SPAG16: variants seen among roughly 807,000 people sequenced by gnomAD.
SPAG16 encodes the protein sperm associated antigen 16.
In SPAG16, 86 loss-of-function variants were observed where a neutral mutation model predicts 80.4. The ratio of observed to expected loss-of-function variants is 1.07; its 90% CI spans 0.90 to 1.28. SPAG16 has a LOEUF of 1.28. SPAG16 is among the 50% of genes most tolerant of loss of function. SPAG16 has a pLI of 0.00. For synonymous variants in SPAG16, 294 were observed against 265.9 expected, an observed-to-expected ratio of 1.11 and a Z score of -1.03; for missense variants, 870 against 765.3, an observed-to-expected ratio of 1.14 and a Z score of -1.61.
chr2:213,798,046 A>C (rs2071156589), intron 10 of SPAG16, among the ~76,000 whole-genome samples: 2 of 152,188 alleles, frequency 1.3e-5, no homozygotes, highest in African/African-American at 2.4e-5. Context: ...CATTACTTGC[A>C]TTCCCCTAAT....
rs564854153 is a variant in SPAG16, at chr2:214,410,399, T to C, written c.*84T>C. On this transcript the variant is annotated 3_prime_UTR_variant, in exon 16 of 16. Transcript: ENST00000331683. ...AGTCCCAAACCAGCAAAGAACTGGT[T>C]AAATGTGCCAGCAGGTAACATTTAC... 9.2e-6 allele frequency: 12 copies of C among 1,310,746 alleles called. 1 individual carries two copies. In the Admixed American group the frequency reaches 2.5e-4, roughly 27 times the overall value. The allele number at this position is 1,310,746 out of a possible 1,614,324, so 81.2% of individuals were successfully genotyped here. A position where few individuals can be genotyped will look rare whatever the true frequency, so the allele number is the denominator to read the frequency against.
chr2:214,356,538 T>C (rs986997002), intron 15 of SPAG16, among the ~76,000 whole-genome samples: 5 of 148,102 alleles, frequency 3.4e-5, no homozygotes, highest in African/African-American at 9.7e-5. Context: ...ATTTTAAGTT[T>C]TTCTTTTCTT....
At position 214,076,529 on chromosome 2, in the gene SPAG16, GTGTGTGTGTGTGTC is replaced by G. The variant is rs1316061540; in HGVS notation, c.1528-31653_1528-31640del. On this transcript the variant is annotated intron_variant, in intron 13 of 15. Transcript: ENST00000331683. ...TATTTTATTCTGTGTGTGTGTGTGT[GTGTGTGTGTGTGTC>G]TGTGTGTGTGTGTGTGTGTGTGTTT... Among the ~76,000 whole-genome samples, 5 of 91,792 alleles carry G rather than the reference GTGTGTGTGTGTGTC, an allele frequency of 5.4e-5. No individual in the cohort carries two copies. In the South Asian group the frequency reaches 1.3e-3, roughly 24 times the overall value. 60.2% of individuals were successfully genotyped at this position (91,792 alleles called of 152,430 possible).
chr2:213,513,226 C>G (rs2075296240), intron 10 of SPAG16, among the ~76,000 whole-genome samples: 1 of 152,184 alleles, frequency 6.6e-6, no homozygotes, highest in Admixed American at 6.5e-5. Context: ...CTATGCTTCT[C>G]TATGCCCTAT....
intron 11 of SPAG16, among the ~76,000 whole-genome samples, chr2:213,888,058 AAACACAATTCTGGAAAGATAC>A (rs1355997489): frequency 1.3e-5 from 2 of 151,926 alleles, no homozygotes; most frequent in Admixed American, 1.3e-4. Flanking sequence ...TTTCTTTCAG[AAACACAATTCTGGAAAGATAC>A]AACAGTGTTT....
rs1462230311 is a variant in SPAG16, at chr2:213,800,603, C to T, written c.1071-61882C>T. 3.3e-5 allele frequency among the ~76,000 whole-genome samples: 5 copies of T among 152,188 alleles called. No homozygotes were observed. The South Asian group carries it at 6.2e-4, about 19-fold the overall frequency. On this transcript the variant is annotated intron_variant, in intron 10 of 15. Coordinates refer to ENST00000331683, the MANE Select transcript of SPAG16 (RefSeq NM_024532.5). ...TTGCCGAGGCTGGCATTTATTCTTCCTATGTTTTATTGTGTTGACTTTATC... is the reference window on the plus strand; with the variant it reads ...TTGCCGAGGCTGGCATTTATTCTTCTTATGTTTTATTGTGTTGACTTTATC...
intron 10 of SPAG16, among the ~76,000 whole-genome samples, chr2:213,808,347 C>T (rs967299669): frequency 6.6e-6 from 1 of 152,108 alleles, no homozygotes; most frequent in Non-Finnish European, 1.5e-5. Flanking sequence ...AGAACAGCCA[C>T]TCGTTTACAA....
At chr2:214,080,040 CAG>C (rs935727905) in intron 13 of SPAG16, among the ~76,000 whole-genome samples, 2 of 152,094 alleles carry the variant, frequency 1.3e-5, no homozygotes, top group Non-Finnish European at 2.9e-5. Context: ...ACAAACCTAA[CAG>C]AAATATCTCA....
intron 10 of SPAG16, among the ~76,000 whole-genome samples, chr2:213,492,688 T>TGG: frequency 6.6e-6 from 1 of 151,214 alleles, no homozygotes; most frequent in Non-Finnish European, 1.5e-5. Context: ...GAAAGTTGTT[T>TGG]TTTTTTTTTT....
At chr2:214,221,140 T>C (rs550127424) in intron 15 of SPAG16, among the ~76,000 whole-genome samples, 1 of 152,340 alleles carries the variant, frequency 6.6e-6, no homozygotes, top group Admixed American at 6.5e-5. Context: ...CTTTAGAAGT[T>C]TAACTACAGT....
chr2:214,159,355 C>A (rs1306856426), intron 15 of SPAG16, among the ~76,000 whole-genome samples: 1 of 151,944 alleles, frequency 6.6e-6, no homozygotes, highest in African/African-American at 2.4e-5. Flanking sequence ...ATTTGCAGTG[C>A]ACACATACTG....
intron 12 of SPAG16, among the ~76,000 whole-genome samples, chr2:213,950,702 C>CTTTTTTTTTTT (rs59353089): frequency 4.0e-5 from 4 of 99,698 alleles, no homozygotes; most frequent in East Asian, 2.9e-4. Context: ...TTTTTTCTTT[C>CTTTTTTTTTTT]TTTTTTTTTT....
In SPAG16 at chr2:214,126,750, T is replaced by C. The variant is rs2054516403; in HGVS notation, c.1593+18489T>C. 2.0e-5 allele frequency among the ~76,000 whole-genome samples: 3 copies of C among 151,810 alleles called. No individual in the cohort carries two copies. The South Asian group carries it at 6.2e-4, about 31-fold the overall frequency. On this transcript the variant is annotated intron_variant, in intron 14 of 15. Transcript: ENST00000331683. The stretch of plus-strand genomic sequence containing the variant: ...AGATCTTACAGATTGTGTATCTACA[T>C]CATGTAATATCTTCTGCAATGATCA...
At chr2:214,115,508 A>G (rs990417149) in intron 14 of SPAG16, among the ~76,000 whole-genome samples, 2 of 152,206 alleles carry the variant, frequency 1.3e-5, no homozygotes, top group East Asian at 1.9e-4. Flanking sequence ...GGAATCACAC[A>G]TGTAAAACTC....
intron 9 of SPAG16, among the ~76,000 whole-genome samples, chr2:213,466,709 T>A (rs1179498114): frequency 6.6e-6 from 1 of 152,196 alleles, no homozygotes; most frequent in Non-Finnish European, 1.5e-5. Flanking sequence ...AAGAAGAGGC[T>A]TACTGCCTTC....
chr2:214,313,593 G>A (rs1422476347), intron 15 of SPAG16, among the ~76,000 whole-genome samples: 3 of 152,038 alleles, frequency 2.0e-5, no homozygotes, highest in Non-Finnish European at 4.4e-5. Context: ...AGTTTGAAAA[G>A]TTTTTATAAT....
At chr2:213,671,201 T>G (rs1299803167) in intron 10 of SPAG16, among the ~76,000 whole-genome samples, 1 of 152,196 alleles carries the variant, frequency 6.6e-6, no homozygotes, top group Non-Finnish European at 1.5e-5. Context: ...TGATATTGTT[T>G]AGGATAAAGC....
chr2:213,407,045 C>T lies in SPAG16; in HGVS notation c.942+31926C>T, dbSNP rs761278485. Among the ~76,000 whole-genome samples, 6 of 151,986 alleles carry T rather than the reference C, an allele frequency of 3.9e-5. No individual in the cohort carries two copies. In the East Asian group the frequency reaches 7.7e-4, roughly 20 times the overall value. On this transcript the variant is annotated intron_variant, in intron 9 of 15. Coordinates refer to ENST00000331683, the MANE Select transcript of SPAG16 (RefSeq NM_024532.5). ...GTGCACAGACCAAGGAAGGAGAAGC[C>T]GCGGGAGCGGGTAGAGTACCTTGGT...
At chr2:214,314,472 T>A (rs1372864700) in intron 15 of SPAG16, among the ~76,000 whole-genome samples, 6 of 152,216 alleles carry the variant, frequency 3.9e-5, no homozygotes, top group African/African-American at 1.2e-4. Flanking sequence ...TCAGTGTTGA[T>A]ATTTATTCAG....
Sources: allele counts gnomAD v4.1 joint callset (sites outside exome capture counted in the v4.1 genomes callset), GRCh38; gene constraint gnomAD v4.1.1; transcripts MANE v1.5; gene names NCBI Gene and HGNC (gene_info 2026-07-23, HGNC 2026-07-21).